Variants in ARFIP1 observed in about 807,000 individuals in gnomAD.
The protein encoded by ARFIP1 is ARF interacting protein 1, also known as arfaptin-1.
Under a neutral mutation model 42.5 loss-of-function variants are expected in ARFIP1, and 24 were observed. The ratio of observed to expected loss-of-function variants is 0.57; its 90% CI spans 0.41 to 0.80. The LOEUF is 0.80. ARFIP1 is among the 30% of genes least tolerant of loss of function. ARFIP1 has a pLI of 0.00. For synonymous variants in ARFIP1, 141 were observed against 153.7 expected (o/e 0.92, Z 0.61); for missense variants, 354 against 434.0 (o/e 0.82, Z 1.64).
intron 1 of ARFIP1, among the ~76,000 whole-genome samples, chr4:152,794,994 C>G (rs1040022466): frequency 6.6e-6 from 1 of 152,078 alleles, no homozygotes; most frequent in African/African-American, 2.4e-5. Flanking sequence ...TACTATGGTT[C>G]TGAGAGTCAG....
At chr4:152,818,033 GA>G (rs1234215085) in intron 1 of ARFIP1, among the ~76,000 whole-genome samples, 2 of 152,214 alleles carry the variant, frequency 1.3e-5, no homozygotes, top group Non-Finnish European at 2.9e-5. Context: ...AGCTGCTATG[GA>G]AAACAGTATG....
At chr4:152,877,668 C>T (rs1311279603) in intron 5 of ARFIP1, among the ~76,000 whole-genome samples, 1 of 151,938 alleles carries the variant, frequency 6.6e-6, no homozygotes, top group East Asian at 1.9e-4. Flanking sequence ...TTGGTTGTGT[C>T]CTCACCCAAA....
intron 1 of ARFIP1, among the ~76,000 whole-genome samples, chr4:152,816,325 C>T (rs1729884051): frequency 6.6e-6 from 1 of 152,170 alleles, no homozygotes; most frequent in South Asian, 2.1e-4. Flanking sequence ...TGCCACTGGC[C>T]ATCTCTCTGC....
At chr4:152,814,883 G>T (rs920228443) in intron 1 of ARFIP1, among the ~76,000 whole-genome samples, 1 of 152,174 alleles carries the variant, frequency 6.6e-6, no homozygotes, top group Non-Finnish European at 1.5e-5. Flanking sequence ...AAGTGAGCAC[G>T]ACCTCCCCAC....
chr4:152,856,613 G>A (rs369954094), intron 2 of ARFIP1, among the ~76,000 whole-genome samples: 3 of 152,124 alleles, frequency 2.0e-5, no homozygotes, highest in East Asian at 1.9e-4. Context: ...TTGAGCATCC[G>A]CATGTATTTT....
At chr4:152,896,714 T>G (rs1215495990) in intron 8 of ARFIP1, among the ~76,000 whole-genome samples, 1 of 151,340 alleles carries the variant, frequency 6.6e-6, no homozygotes, top group Non-Finnish European at 1.5e-5. Flanking sequence ...TTCAGAAAAA[T>G]AATACTTTTA....
intron 2 of ARFIP1, among the ~76,000 whole-genome samples, chr4:152,848,560 A>G (rs531737131): frequency 6.6e-6 from 1 of 152,316 alleles, no homozygotes; most frequent in South Asian, 2.1e-4. Flanking sequence ...AGCAGTCTGC[A>G]ATATCATACA....
At chr4:152,908,884 A>G (rs1738596662) in intron 8 of ARFIP1, among the ~76,000 whole-genome samples, 2 of 135,070 alleles carry the variant, frequency 1.5e-5, no homozygotes, top group Admixed American at 8.1e-5. Flanking sequence ...AGAAATGGCT[A>G]GAGAGAAGTG....
intron 1 of ARFIP1, among the ~76,000 whole-genome samples, chr4:152,818,942 C>A (rs1255509479): frequency 6.6e-6 from 1 of 152,178 alleles, no homozygotes; most frequent in African/African-American, 2.4e-5. Context: ...AAACTACCTT[C>A]TGAACACAAG....
intron 1 of ARFIP1, among the ~76,000 whole-genome samples, chr4:152,804,694 G>GA (rs1429662211): frequency 6.6e-6 from 1 of 151,014 alleles, no homozygotes; most frequent in African/African-American, 2.4e-5. Context: ...GTATTGGTGT[G>GA]AAATAGGAAT....
At chr4:152,869,586 C>T (rs1458106226) in intron 3 of ARFIP1, among the ~76,000 whole-genome samples, 1 of 151,970 alleles carries the variant, frequency 6.6e-6, no homozygotes, top group East Asian at 1.9e-4. Context: ...GTAGCTGGGA[C>T]TACAGGCTTG....
At chr4:152,872,333 G>T in intron 4 of ARFIP1, 119 bp from the exon 5 acceptor site, 1 of 603,226 alleles carries the variant, frequency 1.7e-6, no homozygotes, top group Non-Finnish European at 2.7e-6. Context: ...TACTTTGTGG[G>T]AACCTTTTTT....
At chr4:152,783,933 ATGG>A (rs534790763) in intron 1 of ARFIP1, among the ~76,000 whole-genome samples, 71 of 152,246 alleles carry the variant, frequency 4.7e-4, no homozygotes, top group Middle Eastern at 3.4e-3. Context: ...TAATAAGCAG[ATGG>A]TGTGTGTGTA....
intron 1 of ARFIP1, among the ~76,000 whole-genome samples, chr4:152,802,091 A>C (rs1198321493): frequency 6.6e-6 from 1 of 152,088 alleles, no homozygotes; most frequent in Non-Finnish European, 1.5e-5. Context: ...TATTTTTACT[A>C]ATACAGAAGG....
At position 152,847,124 on chromosome 4, in the gene ARFIP1, C is replaced by CTTTTTTTTTTTTTTTTT. The variant is rs771661005; in HGVS notation, c.94-16474_94-16458dup. On this transcript the variant is annotated intron_variant, in intron 2 of 8. Coordinates refer to ENST00000353617, the MANE Select transcript of ARFIP1 (RefSeq NM_001025595.3). ...GTATGTTAATGTTTTTAGGTTTGTT[C>CTTTTTTTTTTTTTTTTT]TTTTTTTTTTTTTTTTTTTTTTTTG... Among the ~76,000 whole-genome samples, 289 of 40,554 alleles carry CTTTTTTTTTTTTTTTTT rather than the reference C, an allele frequency of 7.1e-3. 74 individuals carry two copies. Among genetic ancestry groups the CTTTTTTTTTTTTTTTTT allele is most frequent in the East Asian group, 0.011 (16 of 1,410 alleles). 26.6% of individuals were successfully genotyped at this position (40,554 alleles called of 152,430 possible).
At chr4:152,902,673 C>A (rs1342241167) in intron 8 of ARFIP1, among the ~76,000 whole-genome samples, 1 of 152,160 alleles carries the variant, frequency 6.6e-6, no homozygotes, top group African/African-American at 2.4e-5. Flanking sequence ...TCCTCAGTTC[C>A]TGTGGGCTGA....
At chr4:152,821,718 A>T (rs1367762165) in intron 1 of ARFIP1, among the ~76,000 whole-genome samples, 1 of 152,200 alleles carries the variant, frequency 6.6e-6, no homozygotes, top group Non-Finnish European at 1.5e-5. Context: ...TGCATGAAGG[A>T]AAGAATTCCT....
At chr4:152,816,541 C>A (rs1455673724) in intron 1 of ARFIP1, among the ~76,000 whole-genome samples, 1 of 152,204 alleles carries the variant, frequency 6.6e-6, no homozygotes. Flanking sequence ...TTTCCCTGAC[C>A]ACCATATCTA....
intron 5 of ARFIP1, among the ~76,000 whole-genome samples, chr4:152,874,400 AAAAAAG>A (rs1272371826): frequency 2.0e-5 from 3 of 152,320 alleles, no homozygotes; most frequent in Non-Finnish European, 2.9e-5. Flanking sequence ...AATCTAGGTC[AAAAAAG>A]AAAAAGAAAG....
Sources: gnomAD v4.1 joint callset for allele counts (sites outside exome capture counted in the v4.1 genomes callset) on GRCh38, gnomAD v4.1.1 for gene constraint, MANE v1.5 for transcripts, NCBI Gene and HGNC (gene_info 2026-07-23, HGNC 2026-07-21) for gene names.